The following ENOX1 variants were observed in gnomAD, a reference collection of about 807,000 sequenced individuals.
ENOX1 encodes ecto-NOX disulfide-thiol exchanger 1.
ENOX1 carries 42 observed loss-of-function variants against 82.5 expected under a neutral mutation model. That is an observed-to-expected ratio of 0.51 (90% CI 0.40 to 0.66). The LOEUF (loss-of-function observed/expected upper bound fraction) is 0.66, where lower values mean the gene tolerates loss of function less well. ENOX1 is among the 30% of genes least tolerant of loss of function. The pLI is 0.00. For synonymous variants in ENOX1, 271 were observed against 282.2 expected (o/e 0.96, Z 0.40); for missense variants, 608 against 811.6 (o/e 0.75, Z 3.05).
chr13:43,214,170 A>G (rs764423580), intron 16 of ENOX1, 49 bp from the exon 17 acceptor site: 2 of 1,591,314 alleles, frequency 1.3e-6, no homozygotes, highest in African/African-American at 1.3e-5. Flanking sequence ...CTCATCTTAA[A>G]GGAGGAATGG....
intron 1 of ENOX1, among the ~76,000 whole-genome samples, chr13:43,720,882 C>T (rs1029432410): frequency 6.6e-6 from 1 of 152,176 alleles, no homozygotes; most frequent in Non-Finnish European, 1.5e-5. Flanking sequence ...AAGAGGGACA[C>T]TGACAACCCT....
intron 1 of ENOX1, among the ~76,000 whole-genome samples, chr13:43,699,580 A>T (rs2086810522): frequency 6.6e-6 from 1 of 152,222 alleles, no homozygotes; most frequent in Non-Finnish European, 1.5e-5. Flanking sequence ...ACTTTGGCAC[A>T]TAGGGAGATT....
chr13:43,670,123 A>T (rs1177228048), intron 1 of ENOX1, among the ~76,000 whole-genome samples: 1 of 152,212 alleles, frequency 6.6e-6, no homozygotes, highest in African/African-American at 2.4e-5. Flanking sequence ...GTGCTTCTTT[A>T]CAACGACACA....
intron 1 of ENOX1, among the ~76,000 whole-genome samples, chr13:43,764,890 G>A (rs1173893297): frequency 6.6e-6 from 1 of 152,192 alleles, no homozygotes; most frequent in Non-Finnish European, 1.5e-5. Flanking sequence ...ATTTGCAAGT[G>A]CCAAATATAC....
At chr13:43,785,690 G>C (rs1229381609) in intron 1 of ENOX1, among the ~76,000 whole-genome samples, 1 of 152,166 alleles carries the variant, frequency 6.6e-6, no homozygotes, top group Non-Finnish European at 1.5e-5. Context: ...AGCTGGGCTT[G>C]CCCACCTGTC....
chr13:43,396,005 T>G (rs1396384850), intron 5 of ENOX1, among the ~76,000 whole-genome samples: 1 of 152,216 alleles, frequency 6.6e-6, no homozygotes, highest in South Asian at 2.1e-4. Context: ...TATTTGAGAT[T>G]TCAGATAGCA....
At chr13:43,232,358 G>A (rs1013330493) in intron 15 of ENOX1, among the ~76,000 whole-genome samples, 1 of 152,130 alleles carries the variant, frequency 6.6e-6, no homozygotes, top group Non-Finnish European at 1.5e-5. Context: ...GGACATTTGT[G>A]CCTTGGAAAC....
intron 3 of ENOX1, among the ~76,000 whole-genome samples, chr13:43,467,949 A>T (rs1326132075): frequency 6.7e-6 from 1 of 149,058 alleles, no homozygotes; most frequent in Admixed American, 6.7e-5. Context: ...ATTGCTCTGG[A>T]ACCCTTTTGA....
At chr13:43,693,723 T>C (rs1030777823) in intron 1 of ENOX1, among the ~76,000 whole-genome samples, 3 of 152,202 alleles carry the variant, frequency 2.0e-5, no homozygotes, top group African/African-American at 7.2e-5. Flanking sequence ...TACCAGGACA[T>C]GTTGCAAGTT....
At chr13:43,457,269 A>G (rs937098697) in intron 3 of ENOX1, among the ~76,000 whole-genome samples, 2 of 152,172 alleles carry the variant, frequency 1.3e-5, no homozygotes, top group African/African-American at 4.8e-5. Context: ...TACTTGGACA[A>G]ACTAGTAACC....
At chr13:43,490,567 A>G (rs1003425406) in intron 2 of ENOX1, among the ~76,000 whole-genome samples, 4 of 152,328 alleles carry the variant, frequency 2.6e-5, no homozygotes, top group African/African-American at 9.6e-5. Flanking sequence ...AGAGGTGATT[A>G]GGCCATAAGG....
intron 1 of ENOX1, among the ~76,000 whole-genome samples, chr13:43,703,481 T>C (rs756566302): frequency 6.6e-6 from 1 of 152,188 alleles, no homozygotes; most frequent in Non-Finnish European, 1.5e-5. Flanking sequence ...ATAGTATTCT[T>C]AGATACCTCT....
At chr13:43,295,999 T>C (rs2046265445) in intron 12 of ENOX1, among the ~76,000 whole-genome samples, 1 of 152,070 alleles carries the variant, frequency 6.6e-6, no homozygotes, top group Non-Finnish European at 1.5e-5. Context: ...CCGCTCCCTG[T>C]CTTGCTCTTC....
intron 3 of ENOX1, among the ~76,000 whole-genome samples, chr13:43,450,180 G>A (rs1594680130): frequency 6.6e-6 from 1 of 152,152 alleles, no homozygotes; most frequent in Non-Finnish European, 1.5e-5. Context: ...GGCTGATGAG[G>A]TGGCTTAGTA....
intron 5 of ENOX1, among the ~76,000 whole-genome samples, chr13:43,362,665 A>C (rs2050603569): frequency 6.6e-6 from 1 of 152,184 alleles, no homozygotes; most frequent in Non-Finnish European, 1.5e-5. Flanking sequence ...GCCCAGAAGC[A>C]GATGTAAGAA....
At chr13:43,656,206 T>C (rs1415865671) in intron 2 of ENOX1, among the ~76,000 whole-genome samples, 1 of 152,202 alleles carries the variant, frequency 6.6e-6, no homozygotes, top group Non-Finnish European at 1.5e-5. Context: ...GTTTTTTAAA[T>C]ATTTAATAGC....
chr13:43,352,129 T>A (rs2049846640), intron 8 of ENOX1, among the ~76,000 whole-genome samples: 1 of 152,212 alleles, frequency 6.6e-6, no homozygotes, highest in Non-Finnish European at 1.5e-5. Context: ...TCTGGCAGGC[T>A]GACATGAGGC....
At chr13:43,497,367 G>A (rs777471550) in intron 2 of ENOX1, among the ~76,000 whole-genome samples, 7 of 152,142 alleles carry the variant, frequency 4.6e-5, no homozygotes, top group Non-Finnish European at 7.4e-5. Context: ...AGTATTCACT[G>A]TTAACATCCT....
At chr13:43,464,127 G>C (rs2057615001) in intron 3 of ENOX1, among the ~76,000 whole-genome samples, 1 of 152,196 alleles carries the variant, frequency 6.6e-6, no homozygotes, top group Non-Finnish European at 1.5e-5. Flanking sequence ...TGAATTCTAA[G>C]ATGATTTCTG....
Sources: gnomAD v4.1 joint callset for allele counts (sites outside exome capture counted in the v4.1 genomes callset) on GRCh38, gnomAD v4.1.1 for gene constraint, MANE v1.5 for transcripts, NCBI Gene and HGNC (gene_info 2026-07-23, HGNC 2026-07-21) for gene names.